PRSS54: variants seen among roughly 807,000 people sequenced by gnomAD.
PRSS54 encodes serine protease 54.
A neutral mutation model predicts 19.9 loss-of-function variants in PRSS54; 16 were observed. That is an observed-to-expected ratio of 0.80 (90% CI 0.54 to 1.22). The LOEUF (loss-of-function observed/expected upper bound fraction) is 1.22, where lower values mean the gene tolerates loss of function less well. Ranked by LOEUF, PRSS54 falls within the 50% of genes most tolerant of loss-of-function variation. The pLI, the probability that PRSS54 is intolerant of heterozygous loss-of-function variation, is 0.00. For synonymous variants in PRSS54, 177 were observed against 195.8 expected (o/e 0.90, Z 0.80); for missense variants, 444 against 494.8 (o/e 0.90, Z 0.97).
Position 58,293,987 on chromosome 16 carries a change from G to A in PRSS54, c.-9C>T, listed in dbSNP as rs1177482614. On this transcript the variant is annotated splice_region_variant and 5_prime_UTR_variant, in exon 2 of 7. Coordinates refer to ENST00000567164, the MANE Select transcript of PRSS54 (RefSeq NM_001305173.2). ...GTTCCAAGATGTAGGGCACTGACCTGTCTTATCCCTAGTGCTTGGTTCTGT... is the reference window on the plus strand; with the variant it reads ...GTTCCAAGATGTAGGGCACTGACCTATCTTATCCCTAGTGCTTGGTTCTGT... The A allele has an allele frequency of 4.6e-6, 3 of 649,186 alleles. No individual in the cohort carries two copies. The highest frequency in any genetic ancestry group is 8.2e-6 in the Non-Finnish European group (3 of 366,692). The allele number at this position is 649,186 out of a possible 1,614,324, so 40.2% of individuals were successfully genotyped here.
chr16:58,289,120 C>T (rs776778324), intron 4 of PRSS54, among the ~76,000 whole-genome samples: 17 of 152,052 alleles, frequency 1.1e-4, no homozygotes, highest in Non-Finnish European at 2.2e-4. Context: ...ACTGGTGTCC[C>T]TATAAGAAGA....
chr16:58,291,202 C>T, intron 3 of PRSS54, 66 bp from the exon 4 acceptor site: 1 of 1,467,178 alleles, frequency 6.8e-7, no homozygotes, highest in South Asian at 1.2e-5. Flanking sequence ...CTCCTGTGGG[C>T]TGTCTGTCTC....
intron 6 of PRSS54, chr16:58,283,613 T>G (rs1017038079): frequency 2.0e-5 from 3 of 152,196 alleles, no homozygotes; most frequent in Admixed American, 2.0e-4. Context: ...GTATGATACT[T>G]GTTTGACGGA....
intron 6 of PRSS54, chr16:58,281,847 C>G (rs1567512332): frequency 7.1e-6 from 1 of 140,756 alleles, no homozygotes; most frequent in Non-Finnish European, 1.6e-5. Flanking sequence ...CTTGGTCACT[C>G]TCTCTGTCTC....
At chr16:58,284,514 G>T in intron 6 of PRSS54, 76 bp downstream of exon 6, 1 of 1,567,392 alleles carries the variant, frequency 6.4e-7, no homozygotes, top group Admixed American at 1.7e-5. Context: ...ATCTAGGGAA[G>T]GGGAGTCCTG....
chr16:58,281,330 A>T, intron 6 of PRSS54: 1 of 157,326 alleles, frequency 6.4e-6, no homozygotes, highest in Non-Finnish European at 1.4e-5. Flanking sequence ...CTGGCAAGTG[A>T]CCAAATCCTC....
In PRSS54 at chr16:58,286,017, T is replaced by A. The variant is rs1456895986; in HGVS notation, c.442A>T (p.Ile148Phe). 1 of 1,614,070 alleles carries A rather than the reference T, an allele frequency of 6.2e-7. No individual in the cohort carries two copies. The highest frequency in any genetic ancestry group is 8.5e-7 in the Non-Finnish European group (1 of 1,180,038). ...TGCAGCATTCTGCCGAGGAAGCAGA[T>A]GGACTGGACCAGGTTGCCAAAATGC... is the stretch of plus-strand genomic sequence containing the variant. ...AMHFGNLVQS[I>F]CFLGRMLHTP... The change falls in exon 5 of 7, where the codon ATC (isoleucine) becomes TTC (phenylalanine). Residue 148 changes from isoleucine to phenylalanine, a missense_variant. Transcript: ENST00000567164.
In PRSS54 at chr16:58,291,146, A is replaced by C. The variant is rs1276102544; in HGVS notation, c.86-10T>G. 15 of 1,612,998 alleles carry C rather than the reference A, an allele frequency of 9.3e-6. No individual in the cohort carries two copies. Among genetic ancestry groups the C allele is most frequent in the Non-Finnish European group, 1.2e-5 (14 of 1,179,730 alleles). ...TTCTGGACGCCACAACCTGCGGAGC[A>C]GGTGCGGGGCCTCACTGCCGGGGCA... On this transcript the variant is annotated splice_polypyrimidine_tract_variant and intron_variant, in intron 3 of 6. Coordinates refer to ENST00000567164, the MANE Select transcript of PRSS54 (RefSeq NM_001305173.2).
chr16:58,292,073 C>T lies in PRSS54; in HGVS notation c.86-937G>A, dbSNP rs114378274. Reference sequence around the variant, plus strand: ...CCTCCTGAGTAGCTGGGATTATAGACGCATGGCACAATGCCCAGCTAATTT... The same window carrying T: ...CCTCCTGAGTAGCTGGGATTATAGATGCATGGCACAATGCCCAGCTAATTT... On this transcript the variant is annotated intron_variant, in intron 3 of 6. Transcript: ENST00000567164. Among the ~76,000 whole-genome samples, 816 of 152,226 alleles carry T rather than the reference C, an allele frequency of 5.4e-3. 6 individuals are homozygous for T. The highest frequency in any genetic ancestry group is 0.019 in the African/African-American group (782 of 41,512).
chr16:58,290,945 G>T lies in PRSS54; in HGVS notation c.263+14C>A, dbSNP rs762578264. The T allele has an allele frequency of 4.3e-6, 7 of 1,613,078 alleles. No homozygotes were observed. The highest frequency in any genetic ancestry group is 5.9e-6 in the Non-Finnish European group (7 of 1,179,302). On this transcript the variant is annotated intron_variant, in intron 4 of 6. Transcript: ENST00000567164. ...CCCGGCGATGTTGCGGGCCCCAAAG[G>T]CAGGGGCACTGGCCTGTTCTGAATG...
chr16:58,293,969 G>T lies in PRSS54; in HGVS notation c.-7+16C>A. 1 of 711,820 alleles carries T rather than the reference G, an allele frequency of 1.4e-6. No homozygotes were observed. The allele number at this position is 711,820 out of a possible 1,614,324, so 44.1% of individuals were successfully genotyped here. On this transcript the variant is annotated intron_variant, in intron 2 of 6. Transcript: ENST00000567164. Reference sequence around the variant, plus strand: ...CTCTTTCTACTAACAAAGGTTCCAAGATGTAGGGCACTGACCTGTCTTATC... The same window carrying T: ...CTCTTTCTACTAACAAAGGTTCCAATATGTAGGGCACTGACCTGTCTTATC...
chr16:58,293,622 T>G, intron 3 of PRSS54, 110 bp downstream of exon 3: 7 of 1,527,364 alleles, frequency 4.6e-6, no homozygotes, highest in Non-Finnish European at 6.2e-6. Context: ...CCGTGAGTCA[T>G]CTTCCCTGAG....
chr16:58,284,311 T>A, intron 6 of PRSS54: 1 of 356,538 alleles, frequency 2.8e-6, no homozygotes, highest in East Asian at 5.7e-5. Flanking sequence ...GCCTCTGTGG[T>A]TTGGACTCAG....
chr16:58,284,553 C>G (rs1184780778), intron 6 of PRSS54, 37 bp downstream of exon 6: 2 of 1,612,446 alleles, frequency 1.2e-6, no homozygotes, highest in Non-Finnish European at 1.7e-6. Context: ...CCAAGGCTTA[C>G]TCTCAACACT....
chr16:58,280,598 C>T lies in PRSS54; in HGVS notation c.814G>A (p.Gly272Ser), dbSNP rs772761681. 3.1e-5 allele frequency: 50 copies of T among 1,613,988 alleles called. No homozygotes were observed. The highest frequency in any genetic ancestry group is 5.5e-5 in the South Asian group (5 of 91,080). ...TGGTGGAGTGAGGACAGGGGAGGGC[C>T]GGCCCTCTCAGCCTTGGATGTGATC... ...KWITSKAERA[G>S]PPLSSLHHWE... The change falls in exon 7 of 7, where the codon GGC becomes AGC. Residue 272 changes from glycine (G) to serine (S), a missense_variant. Gly to Ser is a moderately conservative substitution (Grantham distance 56). Coordinates refer to ENST00000567164, the MANE Select transcript of PRSS54 (RefSeq NM_001305173.2).
chr16:58,289,733 C>T (rs765813821), intron 4 of PRSS54, among the ~76,000 whole-genome samples: 1 of 151,798 alleles, frequency 6.6e-6, no homozygotes, highest in Non-Finnish European at 1.5e-5. Context: ...CACTATGCCC[C>T]GGTAATTTTT....
At position 58,294,106 on chromosome 16, in the gene PRSS54, T is replaced by C; in HGVS notation, c.-128A>G. ...TTACTCTTGTCAGTTTTCTTCTCAATCCAGCCCAAGCCCCTGAGCACCCCA... is the reference window on the plus strand; with the variant it reads ...TTACTCTTGTCAGTTTTCTTCTCAACCCAGCCCAAGCCCCTGAGCACCCCA... On this transcript the variant is annotated 5_prime_UTR_variant, in exon 2 of 7. Transcript: ENST00000567164. 1 of 407,264 alleles carries C rather than the reference T, an allele frequency of 2.5e-6. No homozygotes were observed. The highest frequency in any genetic ancestry group is 4.5e-6 in the Non-Finnish European group (1 of 220,180). 25.2% of individuals were successfully genotyped at this position (407,264 alleles called of 1,614,324 possible).
chr16:58,283,290 A>G lies in PRSS54; in HGVS notation c.654+1300T>C, dbSNP rs553030440. ...ACATATTTCCAAGACAGAGGATTCT[A>G]TGGGGACGGGTCACCATTAAATGGT... On this transcript the variant is annotated intron_variant, in intron 6 of 6. Transcript: ENST00000567164. The G allele has an allele frequency of 7.9e-5, 12 of 152,324 alleles. No individual in the cohort carries two copies. In the East Asian group the frequency reaches 9.7e-4, roughly 12 times the overall value. 9.4% of individuals were successfully genotyped at this position (152,324 alleles called of 1,614,324 possible). A position where few individuals can be genotyped will look rare whatever the true frequency, so the allele number is the denominator to read the frequency against.
chr16:58,285,901 A>G, intron 5 of PRSS54, 36 bp downstream of exon 5: 1 of 1,610,418 alleles, frequency 6.2e-7, no homozygotes, highest in Non-Finnish European at 8.5e-7. Context: ...CTGCCAGCAC[A>G]CACGCAGCCT....
Sources: allele counts gnomAD v4.1 joint callset (sites outside exome capture counted in the v4.1 genomes callset), GRCh38; gene constraint gnomAD v4.1.1; transcripts MANE v1.5; gene names NCBI Gene and HGNC (gene_info 2026-07-23, HGNC 2026-07-21).